The following ZMYND11 variants were observed in gnomAD, a reference collection of about 807,000 sequenced individuals.
ZMYND11 encodes zinc finger MYND-type containing 11, also known as zinc finger MYND domain-containing protein 11.
ZMYND11 carries 9 observed loss-of-function variants against 84.9 expected under a neutral mutation model. The ratio of observed to expected loss-of-function variants is 0.11; its 90% CI spans 0.06 to 0.18. ZMYND11 has a LOEUF of 0.18. Among genes scored for constraint, ZMYND11 ranks in the 10% least tolerant of loss-of-function variants. The pLI is 1.00. For synonymous variants in ZMYND11, 250 were observed against 244.1 expected, an observed-to-expected ratio of 1.02 and a Z score of -0.23; for missense variants, 409 against 761.0, an observed-to-expected ratio of 0.54 and a Z score of 5.44.
intron 8 of ZMYND11, 112 bp from the exon 9 acceptor site, chr10:240,780 CA>C: frequency 1.2e-6 from 1 of 829,470 alleles, no homozygotes; most frequent in South Asian, 1.9e-5. Flanking sequence ...GATTAAGAAA[CA>C]AAATTCAACA....
chr10:201,265 C>T (rs1943086084), intron 2 of ZMYND11, among the ~76,000 whole-genome samples: 2 of 152,044 alleles, frequency 1.3e-5, no homozygotes, highest in African/African-American at 2.4e-5. Flanking sequence ...TGTAAAAGGC[C>T]TCTGGACTCC....
chr10:222,658 A>G (rs1012938928), intron 4 of ZMYND11, among the ~76,000 whole-genome samples: 1 of 151,816 alleles, frequency 6.6e-6, no homozygotes, highest in African/African-American at 2.4e-5. Flanking sequence ...TACATCTTCC[A>G]TTTTCTGATA....
At position 252,576 on chromosome 10, in the gene ZMYND11, A is replaced by C. The variant is rs1589335293; in HGVS notation, c.*106A>C. The C allele has an allele frequency of 6.8e-7, 1 of 1,471,672 alleles. No individual in the cohort carries two copies. The highest frequency in any genetic ancestry group is 9.0e-7 in the Non-Finnish European group (1 of 1,110,454). 91.2% of individuals were successfully genotyped at this position (1,471,672 alleles called of 1,614,324 possible). ...TAGAATTTGCTTCCCATTTTGCACC[A>C]GCCTTTAAACACTTTTCGTGAAGAA... On this transcript the variant is annotated 3_prime_UTR_variant, in exon 15 of 15. Coordinates refer to ENST00000381604, the MANE Select transcript of ZMYND11 (RefSeq NM_001370100.5). The surrounding 1 kb of genome is among the most constrained non-coding windows in gnomAD (Gnocchi z 4.6).
rs369700960 is a variant in ZMYND11, at chr10:246,895, G to C, written c.1080G>C (p.Gly360=). 1.6e-5 allele frequency: 26 copies of C among 1,613,728 alleles called. No individual in the cohort carries two copies. The highest frequency in any genetic ancestry group is 4.0e-5 in the African/African-American group (3 of 74,934). The change falls in exon 11 of 15, where the codon GGG becomes GGC. Residue 360 remains glycine, a synonymous_variant. Transcript: ENST00000381604. ...TGCATCAGCGTTTCCTACGAGAAGG[G>C]AGATTTTGGAAATCTAAGAATGAGG... ...LELHQRFLRE[G]RFWKSKNEDR...
intron 4 of ZMYND11, among the ~76,000 whole-genome samples, chr10:222,407 G>A (rs188797433): frequency 6.4e-4 from 98 of 152,256 alleles, no homozygotes; most frequent in African/African-American, 2.3e-3. Context: ...TTTAAAAAAT[G>A]TTTAATGATG....
intron 5 of ZMYND11, 74 bp from the exon 6 acceptor site, chr10:237,511 T>C: frequency 1.1e-6 from 1 of 900,878 alleles, no homozygotes; most frequent in East Asian, 2.6e-5. Context: ...AGAAAATATT[T>C]TGAGCTTTAG....
At chr10:184,744 A>C (rs1937695096) in intron 2 of ZMYND11, among the ~76,000 whole-genome samples, 1 of 152,144 alleles carries the variant, frequency 6.6e-6, no homozygotes, top group Non-Finnish European at 1.5e-5. Flanking sequence ...CTTACGTGAA[A>C]TCACTTTCCC....
intron 1 of ZMYND11, among the ~76,000 whole-genome samples, chr10:167,254 A>G (rs193147075): frequency 1.1e-3 from 172 of 152,216 alleles, no homozygotes; most frequent in Non-Finnish European, 2.0e-3. Flanking sequence ...ATTAATATAT[A>G]TTTCGCTACA....
chr10:208,402 G>C (rs1944567782), intron 2 of ZMYND11, among the ~76,000 whole-genome samples: 1 of 152,064 alleles, frequency 6.6e-6, no homozygotes, highest in African/African-American at 2.4e-5. Flanking sequence ...ATCTGACAAA[G>C]GGCTAATATC....
At chr10:158,193 G>A (rs1320184265) in intron 1 of ZMYND11, among the ~76,000 whole-genome samples, 2 of 152,130 alleles carry the variant, frequency 1.3e-5, no homozygotes, top group Non-Finnish European at 2.9e-5. Context: ...GTACATGTAC[G>A]TGTTTTTGTG....
chr10:197,128 C>T (rs1405185659), intron 2 of ZMYND11, among the ~76,000 whole-genome samples: 5 of 150,356 alleles, frequency 3.3e-5, no homozygotes, highest in Non-Finnish European at 5.9e-5. Context: ...TGTGTGCCCA[C>T]GTGCACATTG....
At chr10:149,285 G>GTTGTTGTTATTA (rs1442758095) in intron 1 of ZMYND11, among the ~76,000 whole-genome samples, 2 of 139,316 alleles carry the variant, frequency 1.4e-5, no homozygotes, top group East Asian at 2.1e-4. Context: ...TGAGGTGGTT[G>GTTGTTGTTATTA]TTATTATTAT....
upstream of ZMYND11, among the ~76,000 whole-genome samples, chr10:131,532 A>G (rs1027157500): frequency 2.6e-5 from 4 of 152,220 alleles, no homozygotes; most frequent in Non-Finnish European, 5.9e-5. Flanking sequence ...TCTTATACTG[A>G]CAGTTTCTCC....
upstream of ZMYND11, chr10:134,535 T>C (rs1554751084): frequency 3.3e-5 from 5 of 152,326 alleles, no homozygotes. Flanking sequence ...CGCGGTCCTG[T>C]TTGCGCAGAG....
At chr10:239,741 C>A (rs1950571607) in intron 7 of ZMYND11, among the ~76,000 whole-genome samples, 1 of 152,180 alleles carries the variant, frequency 6.6e-6, no homozygotes, top group South Asian at 2.1e-4. Flanking sequence ...AACACAATTA[C>A]TCTTTACAGT....
intron 4 of ZMYND11, among the ~76,000 whole-genome samples, chr10:233,249 C>G (rs1282447171): frequency 2.0e-5 from 3 of 152,184 alleles, no homozygotes. Context: ...CTGACATGCA[C>G]AAGTCTTAGC....
At chr10:175,544 G>C (rs1393741596) in intron 1 of ZMYND11, among the ~76,000 whole-genome samples, 3 of 152,036 alleles carry the variant, frequency 2.0e-5, no homozygotes, top group Non-Finnish European at 2.9e-5. Context: ...ACTCCAGCCT[G>C]GGTGACAAGA....
intron 3 of ZMYND11, among the ~76,000 whole-genome samples, chr10:220,560 T>C (rs1256813530): frequency 6.6e-6 from 1 of 152,228 alleles, no homozygotes; most frequent in Admixed American, 6.5e-5. Flanking sequence ...TTTTTTGTTT[T>C]CTGTGGTAAT....
intron 2 of ZMYND11, among the ~76,000 whole-genome samples, chr10:204,578 T>C (rs1419823361): frequency 6.6e-6 from 1 of 152,146 alleles, no homozygotes; most frequent in Non-Finnish European, 1.5e-5. Flanking sequence ...TTATCAACTT[T>C]TATAACTAGT....
Sources: allele counts gnomAD v4.1 joint callset (sites outside exome capture counted in the v4.1 genomes callset), GRCh38; gene constraint gnomAD v4.1.1; non-coding constraint Gnocchi (gnomAD v3.1); transcripts MANE v1.5; gene names NCBI Gene and HGNC (gene_info 2026-07-23, HGNC 2026-07-21).